The following GNA12 variants were observed in gnomAD, a reference collection of about 807,000 sequenced individuals.
The protein encoded by GNA12 is guanine nucleotide-binding protein subunit alpha-12.
GNA12 carries 9 observed loss-of-function variants against 26.0 expected under a neutral mutation model. The observed-to-expected ratio is 0.35, with a 90% CI of 0.21 to 0.60. The LOEUF (loss-of-function observed/expected upper bound fraction) is 0.60, where lower values mean the gene tolerates loss of function less well. GNA12 is among the 20% of genes least tolerant of loss of function. The pLI is 0.78. For missense variants in GNA12, 405 were observed against 525.8 expected (o/e 0.77, Z 2.25); for synonymous variants, 264 against 219.6 (o/e 1.20, Z -1.79).
chr7:2,797,440 C>T (rs1448776695), intron 1 of GNA12, among the ~76,000 whole-genome samples: 1 of 151,632 alleles, frequency 6.6e-6, no homozygotes, highest in African/African-American at 2.4e-5. Context: ...CCACTGCATC[C>T]GGCCTTTTTT....
intron 2 of GNA12, among the ~76,000 whole-genome samples, chr7:2,757,309 T>C (rs1791353115): frequency 6.6e-6 from 1 of 151,700 alleles, no homozygotes; most frequent in African/African-American, 2.4e-5. Context: ...TAATTTTTTG[T>C]AGTTTTAGTA....
rs781540298 is a variant in GNA12, at chr7:2,747,649, T to C, written c.526-14148A>G. Among the ~76,000 whole-genome samples, 230 of 152,250 alleles carry C rather than the reference T, an allele frequency of 1.5e-3. 2 individuals are homozygous for C. Among genetic ancestry groups the C allele is most frequent in the Non-Finnish European group, 8.1e-4 (55 of 68,024 alleles). On this transcript the variant is annotated intron_variant, in intron 2 of 3. Transcript: ENST00000275364. Reference sequence around the variant, plus strand: ...CCTCTCTCACCACTCCTATTCAATATAGTGTTGGAAGTCCTAGGCAGGGCA... The same window carrying C: ...CCTCTCTCACCACTCCTATTCAATACAGTGTTGGAAGTCCTAGGCAGGGCA...
chr7:2,807,393 C>G (rs1792974428), intron 1 of GNA12, among the ~76,000 whole-genome samples: 1 of 152,056 alleles, frequency 6.6e-6, no homozygotes, highest in Admixed American at 6.5e-5. Context: ...AGTAAGAAAA[C>G]TAGGCTCAGT....
intron 1 of GNA12, among the ~76,000 whole-genome samples, chr7:2,826,242 G>GT (rs1793481879): frequency 6.6e-6 from 1 of 152,018 alleles, no homozygotes; most frequent in Non-Finnish European, 1.5e-5. Context: ...GCCAGGCTTG[G>GT]TGGTGGATGC....
chr7:2,745,758 C>A (rs1444183110), intron 2 of GNA12, among the ~76,000 whole-genome samples: 2 of 152,174 alleles, frequency 1.3e-5, no homozygotes, highest in Admixed American at 1.3e-4. Context: ...CATCAGTGTG[C>A]TGTATTCAGG....
chr7:2,814,213 T>C, intron 1 of GNA12: 1 of 719,978 alleles, frequency 1.4e-6, no homozygotes, highest in Middle Eastern at 2.5e-4. Flanking sequence ...TAAATCTCCT[T>C]TTATACATCT....
chr7:2,844,046 C>G lies in GNA12; in HGVS notation c.116G>C (p.Arg39Pro). 7.7e-7 allele frequency: 1 copy of G among 1,304,354 alleles called. No individual in the cohort carries two copies. 80.8% of individuals were successfully genotyped at this position (1,304,354 alleles called of 1,614,324 possible). A position where few individuals can be genotyped will look rare whatever the true frequency, so the allele number is the denominator to read the frequency against. ...CAGCAGCGCGTCGATGTCGCGGCTA[C>G]GCCTCCGGGCCTCGCGCTCCGCGTC... is the stretch of plus-strand genomic sequence containing the variant. ...ARDAEREARRRSRDIDALLAR... is the reference protein window; with the variant it reads ...ARDAEREARRPSRDIDALLAR... Residue 39 changes from arginine (R) to proline (P), a missense_variant, in exon 1 of 4, where the codon CGT (arginine) becomes CCT (proline). Coordinates refer to ENST00000275364, the MANE Select transcript of GNA12 (RefSeq NM_007353.3).
rs373673209 is a variant in GNA12 at position 2,795,157 on chromosome 7, G to T, written c.310-14C>A. On this transcript the variant is annotated splice_polypyrimidine_tract_variant and intron_variant, in intron 1 of 3. Transcript: ENST00000275364. ...AACCCTTGAGCCCTAGAAAATAAAA[G>T]AAAGAAGAGAGGATTTAATTGCATT... 1.3e-6 allele frequency: 2 copies of T among 1,594,598 alleles called. No individual in the cohort carries two copies. The highest frequency in any genetic ancestry group is 1.1e-5 in the South Asian group (1 of 90,604).
intron 2 of GNA12, chr7:2,762,345 C>T (rs539276944): frequency 6.4e-4 from 239 of 375,962 alleles, no homozygotes; most frequent in Non-Finnish European, 9.4e-4. Context: ...GCTGGACACA[C>T]ACGATCCCAC....
chr7:2,815,433 TA>T (rs1173240229), intron 1 of GNA12, among the ~76,000 whole-genome samples: 3 of 152,114 alleles, frequency 2.0e-5, no homozygotes, highest in Admixed American at 2.0e-4. Flanking sequence ...CTGGAGCGTG[TA>T]GGAGAGATGA....
At chr7:2,748,636 C>T in intron 2 of GNA12, among the ~76,000 whole-genome samples, 1 of 152,072 alleles carries the variant, frequency 6.6e-6, no homozygotes, top group East Asian at 1.9e-4. Context: ...AAAGCAATGG[C>T]AACAAAAGCC....
intron 2 of GNA12, among the ~76,000 whole-genome samples, chr7:2,757,348 C>T (rs1298005008): frequency 3.3e-5 from 5 of 151,892 alleles, no homozygotes; most frequent in Non-Finnish European, 7.4e-5. Flanking sequence ...GTCAGGTGGG[C>T]CTTTTAAAAG....
At chr7:2,761,531 C>T (rs1051546506) in intron 2 of GNA12, among the ~76,000 whole-genome samples, 8 of 152,326 alleles carry the variant, frequency 5.3e-5, no homozygotes, top group Middle Eastern at 3.4e-3. Flanking sequence ...AGAGCTGGAA[C>T]GGACAGCATC....
At chr7:2,830,847 C>G (rs933959014) in intron 1 of GNA12, among the ~76,000 whole-genome samples, 5 of 151,932 alleles carry the variant, frequency 3.3e-5, no homozygotes, top group African/African-American at 7.3e-5. Context: ...AGGCTGAGGT[C>G]GGAAGATCAC....
At chr7:2,814,387 A>G in intron 1 of GNA12, 1 of 1,562,572 alleles carries the variant, frequency 6.4e-7, no homozygotes. Context: ...TGCTTCCCGA[A>G]CCCTGCAAGT....
chr7:2,772,032 G>A (rs1211309104), intron 2 of GNA12, among the ~76,000 whole-genome samples: 1 of 152,168 alleles, frequency 6.6e-6, no homozygotes, highest in Non-Finnish European at 1.5e-5. Context: ...TGATGACGTC[G>A]ACTGAGCATC....
chr7:2,835,986 A>AT, intron 1 of GNA12: 1 of 454,558 alleles, frequency 2.2e-6, no homozygotes, highest in East Asian at 5.7e-5. Context: ...TGTATGCAAA[A>AT]TTTGGGAGCA....
At chr7:2,816,206 A>G (rs1271730065) in intron 1 of GNA12, among the ~76,000 whole-genome samples, 1 of 151,712 alleles carries the variant, frequency 6.6e-6, no homozygotes, top group Non-Finnish European at 1.5e-5. Flanking sequence ...ACGCACCCCC[A>G]TGGACAGCAC....
intron 1 of GNA12, among the ~76,000 whole-genome samples, chr7:2,832,473 C>T (rs1778704307): frequency 6.6e-6 from 1 of 152,198 alleles, no homozygotes; most frequent in South Asian, 2.1e-4. Flanking sequence ...GCGAGGAGTC[C>T]ACGCCATGCA....
Sources: allele counts gnomAD v4.1 joint callset (sites outside exome capture counted in the v4.1 genomes callset), GRCh38; gene constraint gnomAD v4.1.1; transcripts MANE v1.5; gene names NCBI Gene and HGNC (gene_info 2026-07-23, HGNC 2026-07-21).